The following TANGO6 variants were observed in gnomAD, a reference collection of about 807,000 sequenced individuals.
TANGO6 encodes transport and Golgi organization protein 6 homolog.
TANGO6 carries 90 observed loss-of-function variants against 114.2 expected under a neutral mutation model. That is an observed-to-expected ratio of 0.79 (90% CI 0.66 to 0.94). The LOEUF (loss-of-function observed/expected upper bound fraction) is 0.94. TANGO6 is among the 40% of genes least tolerant of loss of function. The pLI is 0.00. For synonymous variants in TANGO6, 477 were observed against 509.8 expected (o/e 0.94, Z 0.87); for missense variants, 1,274 against 1,315.3 (o/e 0.97, Z 0.49).
chr16:69,025,866 T>C, intron 16 of TANGO6: 3 of 238,104 alleles, frequency 1.3e-5, no homozygotes, highest in Non-Finnish European at 2.8e-5. Context: ...TTTAATTCTT[T>C]CTAGTGGAAC....
At chr16:68,861,212 A>G (rs1308763304) in intron 2 of TANGO6, among the ~76,000 whole-genome samples, 1 of 152,124 alleles carries the variant, frequency 6.6e-6, no homozygotes, top group Non-Finnish European at 1.5e-5. Context: ...CCATGAGAGG[A>G]CCACTGGCAT....
intron 11 of TANGO6, among the ~76,000 whole-genome samples, chr16:68,912,226 T>C (rs1410003317): frequency 6.6e-6 from 1 of 152,186 alleles, no homozygotes; most frequent in Non-Finnish European, 1.5e-5. Flanking sequence ...GGCAGGGTGC[T>C]ATGGCTCACG....
chr16:68,923,201 G>C (rs960968049), intron 12 of TANGO6, among the ~76,000 whole-genome samples: 2 of 150,874 alleles, frequency 1.3e-5, no homozygotes, highest in Non-Finnish European at 3.0e-5. Flanking sequence ...CAGGTGATCT[G>C]CCCGCTTCCG....
At chr16:69,033,271 G>A (rs1047896850) in intron 16 of TANGO6, among the ~76,000 whole-genome samples, 1 of 152,210 alleles carries the variant, frequency 6.6e-6, no homozygotes, top group Admixed American at 6.5e-5. Flanking sequence ...TGAAGTCTCA[G>A]AATTGCTTAG....
chr16:68,968,064 G>A (rs906233362), intron 14 of TANGO6, among the ~76,000 whole-genome samples: 5 of 151,846 alleles, frequency 3.3e-5, no homozygotes, highest in Admixed American at 1.3e-4. Flanking sequence ...TGTAGTTATC[G>A]TAATAACATT....
At chr16:69,081,386 T>G (rs1258608111) in intron 17 of TANGO6, among the ~76,000 whole-genome samples, 1 of 152,000 alleles carries the variant, frequency 6.6e-6, no homozygotes, top group Non-Finnish European at 1.5e-5. Flanking sequence ...TTTTTAATTT[T>G]ATTTTTTGAG....
intron 16 of TANGO6, among the ~76,000 whole-genome samples, chr16:69,037,992 A>T (rs1038678555): frequency 6.6e-6 from 1 of 152,076 alleles, no homozygotes; most frequent in Non-Finnish European, 1.5e-5. Flanking sequence ...CTATTTCCTC[A>T]CTTGTTCTCA....
chr16:68,918,969 G>C (rs1189995670), intron 11 of TANGO6, 116 bp from the exon 12 acceptor site: 1 of 1,263,302 alleles, frequency 7.9e-7, no homozygotes, highest in Non-Finnish European at 1.1e-6. Flanking sequence ...TGTTCTGGAT[G>C]GTTCTTGCTA....
intron 15 of TANGO6, among the ~76,000 whole-genome samples, chr16:68,988,765 T>G: frequency 7.1e-6 from 1 of 140,826 alleles, no homozygotes; most frequent in Non-Finnish European, 1.5e-5. Context: ...AGTGTTACAA[T>G]CACAGCTCAC....
intron 16 of TANGO6, among the ~76,000 whole-genome samples, chr16:69,030,423 G>T (rs542069906): frequency 6.6e-6 from 1 of 152,044 alleles, no homozygotes; most frequent in East Asian, 2.0e-4. Context: ...AAATTAAGCA[G>T]GTAAAAAAAG....
chr16:68,982,060 C>T (rs1207763365), intron 15 of TANGO6, among the ~76,000 whole-genome samples: 1 of 152,086 alleles, frequency 6.6e-6, no homozygotes, highest in Non-Finnish European at 1.5e-5. Context: ...CAGGATACTA[C>T]CAGGCATCAT....
intron 15 of TANGO6, among the ~76,000 whole-genome samples, chr16:69,004,386 C>T (rs1296135916): frequency 2.0e-5 from 3 of 150,998 alleles, no homozygotes; most frequent in African/African-American, 4.9e-5. Flanking sequence ...GATGGAGTCT[C>T]ACTCTGTCAT....
intron 1 of TANGO6, among the ~76,000 whole-genome samples, chr16:68,852,769 G>C (rs1322951099): frequency 6.6e-6 from 1 of 152,058 alleles, no homozygotes; most frequent in Non-Finnish European, 1.5e-5. Context: ...AGAATCAAAG[G>C]TACAGTGAAT....
At position 69,084,468 on chromosome 16, in the gene TANGO6, A is replaced by G. The variant is rs773481427; in HGVS notation, c.*807A>G. On this transcript the variant is annotated 3_prime_UTR_variant, in exon 18 of 18. Coordinates refer to ENST00000261778, the MANE Select transcript of TANGO6 (RefSeq NM_024562.2). The stretch of plus-strand genomic sequence containing the variant: ...CCTTCTGTCCTCTGCTCCTTCAGAA[A>G]GATGAATGCCTAGACAATGGGTTCA... The G allele has an allele frequency of 6.6e-6, 1 of 152,358 alleles. No individual in the cohort carries two copies. The highest frequency in any genetic ancestry group is 2.4e-5 in the African/African-American group (1 of 41,476). 9.4% of individuals were successfully genotyped at this position (152,358 alleles called of 1,614,324 possible). A position where few individuals can be genotyped will look rare whatever the true frequency, so the allele number is the denominator to read the frequency against.
chr16:68,912,616 G>T (rs1962939062), intron 11 of TANGO6, among the ~76,000 whole-genome samples: 1 of 151,424 alleles, frequency 6.6e-6, no homozygotes, highest in South Asian at 2.1e-4. Flanking sequence ...TTCAGGCTGG[G>T]TAACAAGAGC....
chr16:68,900,357 T>C (rs1255612748), intron 7 of TANGO6, 77 bp from the exon 8 acceptor site: 1 of 1,130,418 alleles, frequency 8.8e-7, no homozygotes. Flanking sequence ...TGAGCCCTGC[T>C]AGGTGTTTGG....
At chr16:68,959,198 T>C (rs1963564632) in intron 14 of TANGO6, among the ~76,000 whole-genome samples, 1 of 152,216 alleles carries the variant, frequency 6.6e-6, no homozygotes, top group Non-Finnish European at 1.5e-5. Context: ...GTTTGCTCAT[T>C]TCACAATGAT....
intron 17 of TANGO6, among the ~76,000 whole-genome samples, chr16:69,075,967 G>A (rs2152244325): frequency 6.6e-6 from 1 of 151,346 alleles, no homozygotes; most frequent in East Asian, 2.0e-4. Flanking sequence ...GTTTCACCAT[G>A]TTGGCCAGGA....
intron 15 of TANGO6, among the ~76,000 whole-genome samples, chr16:69,020,885 C>CG (rs1959388560): frequency 7.0e-6 from 1 of 142,012 alleles, no homozygotes; most frequent in Admixed American, 7.1e-5. Flanking sequence ...AGACCCACCC[C>CG]CCCTTTATAT....
Sources: gnomAD v4.1 joint callset for allele counts (sites outside exome capture counted in the v4.1 genomes callset) on GRCh38, gnomAD v4.1.1 for gene constraint, MANE v1.5 for transcripts, NCBI Gene and HGNC (gene_info 2026-07-23, HGNC 2026-07-21) for gene names.